The following PRSS38 variants were observed in gnomAD, a reference collection of about 807,000 sequenced individuals.
PRSS38 encodes the protein serine protease 38, also known as marapsin 2.
Under a neutral mutation model 26.8 loss-of-function variants are expected in PRSS38, and 22 were observed. That is an observed-to-expected ratio of 0.82 (90% CI 0.59 to 1.17). The LOEUF is 1.17. Ranked by LOEUF, PRSS38 falls within the 50% of genes most tolerant of loss-of-function variation. The pLI is 0.00. For missense variants in PRSS38, 427 were observed against 422.7 expected (o/e 1.01, Z -0.09); for synonymous variants, 175 against 172.1 (o/e 1.02, Z -0.13).
At chr1:227,820,815 T>G (rs1180010306) in intron 3 of PRSS38, among the ~76,000 whole-genome samples, 1 of 152,194 alleles carries the variant, frequency 6.6e-6, no homozygotes. Flanking sequence ...CTTTAAATAT[T>G]TGGTAGAATT....
At chr1:227,844,063 C>T (rs1665378311) in intron 3 of PRSS38, among the ~76,000 whole-genome samples, 2 of 152,210 alleles carry the variant, frequency 1.3e-5, no homozygotes, top group South Asian at 4.1e-4. Context: ...ACTGTTCTGT[C>T]CTGATTTGAC....
intron 3 of PRSS38, among the ~76,000 whole-genome samples, chr1:227,827,265 C>T (rs1227328648): frequency 3.9e-5 from 6 of 152,130 alleles, no homozygotes. Context: ...GGAACTGGCT[C>T]TTCTTTGTAC....
At chr1:227,832,413 G>T (rs1320311260) in intron 3 of PRSS38, among the ~76,000 whole-genome samples, 2 of 151,998 alleles carry the variant, frequency 1.3e-5, no homozygotes, top group Non-Finnish European at 2.9e-5. Flanking sequence ...TTAACAAAGT[G>T]CCTTTTGGTA....
chr1:227,815,926 T>G (rs1255382605), intron 1 of PRSS38, 62 bp downstream of exon 1: 1 of 1,540,840 alleles, frequency 6.5e-7, no homozygotes, highest in Non-Finnish European at 8.8e-7. Flanking sequence ...CGTCTGTCGG[T>G]GCTGGGCCTC....
At chr1:227,841,683 G>T (rs1276992617) in intron 3 of PRSS38, among the ~76,000 whole-genome samples, 1 of 152,120 alleles carries the variant, frequency 6.6e-6, no homozygotes, top group Non-Finnish European at 1.5e-5. Flanking sequence ...ACCAGGAAAG[G>T]GTTGACCCAA....
At chr1:227,842,163 G>A (rs1019269791) in intron 3 of PRSS38, among the ~76,000 whole-genome samples, 8 of 152,154 alleles carry the variant, frequency 5.3e-5, no homozygotes, top group Non-Finnish European at 1.0e-4. Flanking sequence ...ATTTTAACAT[G>A]GGATTTGGAG....
chr1:227,845,369 C>A (rs78839211), intron 3 of PRSS38, 101 bp from the exon 4 acceptor site: 104,350 of 764,460 alleles, frequency 0.14, 8,012 homozygotes, highest in East Asian at 0.23. Flanking sequence ...TAGTGGGGCT[C>A]CTCTCCATGG....
In PRSS38 at chr1:227,846,398, C is replaced by T. The variant is rs967719343; in HGVS notation, c.*190C>T. The T allele has an allele frequency of 5.7e-6, 4 of 706,912 alleles. No homozygotes were observed. The African/African-American group carries it at 7.2e-5, about 13-fold the overall frequency. The allele number at this position is 706,912 out of a possible 1,614,324, so 43.8% of individuals were successfully genotyped here. ...AGAAAAAAGGGAAGGGGGAGAGGGG[C>T]TGGTCAGGGAGAACCCAGCTTGGGC... On this transcript the variant is annotated 3_prime_UTR_variant, in exon 5 of 5. Transcript: ENST00000366757.
chr1:227,842,104 C>T (rs893059944), intron 3 of PRSS38, among the ~76,000 whole-genome samples: 4 of 152,196 alleles, frequency 2.6e-5, no homozygotes, highest in Admixed American at 2.0e-4. Flanking sequence ...ATGCACCCCC[C>T]AGGACCCAAA....
At chr1:227,829,125 G>A (rs28660431) in intron 3 of PRSS38, among the ~76,000 whole-genome samples, 18,409 of 152,092 alleles carry the variant, frequency 0.12, 1,189 homozygotes, top group Non-Finnish European at 0.14. Flanking sequence ...GTCCCAGCGC[G>A]AGAACCTGGA....
intron 3 of PRSS38, among the ~76,000 whole-genome samples, chr1:227,834,740 G>A (rs1572087849): frequency 6.6e-6 from 1 of 152,004 alleles, no homozygotes; most frequent in Non-Finnish European, 1.5e-5. Context: ...TGTGGTGGGA[G>A]GATTACCTGA....
chr1:227,835,662 G>A (rs1255664262), intron 3 of PRSS38, among the ~76,000 whole-genome samples: 1 of 152,156 alleles, frequency 6.6e-6, no homozygotes, highest in African/African-American at 2.4e-5. Flanking sequence ...CTACAACACT[G>A]TCGAGCCTCA....
intron 3 of PRSS38, among the ~76,000 whole-genome samples, chr1:227,821,688 A>G (rs2102674258): frequency 6.6e-6 from 1 of 152,252 alleles, no homozygotes; most frequent in East Asian, 1.9e-4. Context: ...TTAGTTTTTT[A>G]TGAGAAATTG....
exon 3 of PRSS38, chr1:227,817,262 T>C: frequency 6.2e-7 from 1 of 1,614,094 alleles, no homozygotes; most frequent in Non-Finnish European, 8.5e-7. Context: ...AACCTCAGGG[T>C]GGCCGGCAAC....
chr1:227,817,280 A>C, exon 3 of PRSS38: 1 of 1,614,000 alleles, frequency 6.2e-7, no homozygotes, highest in South Asian at 1.1e-5. Flanking sequence ...AACCACACCC[A>C]GTGGTATGAG....
chr1:227,818,721 C>A (rs1664959485), intron 3 of PRSS38, among the ~76,000 whole-genome samples: 1 of 138,764 alleles, frequency 7.2e-6, no homozygotes, highest in South Asian at 2.4e-4. Flanking sequence ...TGAGATGGGT[C>A]TAGAATTTTT....
chr1:227,844,926 A>G (rs949652890), intron 3 of PRSS38, among the ~76,000 whole-genome samples: 1,173 of 21,844 alleles, frequency 0.054, no homozygotes, highest in Middle Eastern at 0.11. Flanking sequence ...GTGTGGTGGG[A>G]CTCCTCCCTA....
chr1:227,842,836 CAA>C (rs1473581740), intron 3 of PRSS38, among the ~76,000 whole-genome samples: 1 of 152,158 alleles, frequency 6.6e-6, no homozygotes, highest in African/African-American at 2.4e-5. Context: ...CTCGGCCTCC[CAA>C]AGTGCTGGGA....
At chr1:227,819,862 G>A (rs770761108) in intron 3 of PRSS38, among the ~76,000 whole-genome samples, 6 of 152,036 alleles carry the variant, frequency 3.9e-5, no homozygotes, top group Non-Finnish European at 8.8e-5. Context: ...AGGCCAAGGC[G>A]GGCGGTTCAC....
Sources: allele counts gnomAD v4.1 joint callset (sites outside exome capture counted in the v4.1 genomes callset), GRCh38; gene constraint gnomAD v4.1.1; transcripts MANE v1.5; gene names NCBI Gene and HGNC (gene_info 2026-07-23, HGNC 2026-07-21).